Variants in ANK3 observed in about 807,000 individuals in gnomAD.
ANK3 encodes ankyrin-3.
ANK3 carries 57 observed loss-of-function variants against 370.9 expected under a neutral mutation model. The ratio of observed to expected loss-of-function variants is 0.15; its 90% CI spans 0.12 to 0.19. The LOEUF (loss-of-function observed/expected upper bound fraction) is 0.19. Among genes scored for constraint, ANK3 ranks in the 10% least tolerant of loss-of-function variants. The pLI, the probability that ANK3 is intolerant of heterozygous loss-of-function variation, is 1.00. For missense variants in ANK3, 4,439 were observed against 5,302.1 expected (o/e 0.84, Z 5.06); for synonymous variants, 1,929 against 1,946.3 (o/e 0.99, Z 0.23).
chr10:60,221,528 T>C (rs1350825282), intron 8 of ANK3, among the ~76,000 whole-genome samples: 1 of 152,216 alleles, frequency 6.6e-6, no homozygotes, highest in African/African-American at 2.4e-5. Flanking sequence ...CTCATCTATA[T>C]ACTGACCAAA....
intron 4 of ANK3, among the ~76,000 whole-genome samples, chr10:60,275,262 A>G (rs1009813918): frequency 1.3e-5 from 2 of 152,228 alleles, no homozygotes; most frequent in Admixed American, 6.5e-5. Flanking sequence ...TTTATCCAAT[A>G]TATTCAATAC....
chr10:60,670,689 C>G (rs538569538), intron 1 of ANK3, among the ~76,000 whole-genome samples: 160 of 152,284 alleles, frequency 1.1e-3, no homozygotes, highest in Non-Finnish European at 2.0e-3. Context: ...CCCCCACACC[C>G]AGTTTCCCTT....
chr10:60,301,211 A>G (rs193169481), intron 1 of ANK3, among the ~76,000 whole-genome samples: 2 of 147,832 alleles, frequency 1.4e-5, no homozygotes, highest in Admixed American at 6.8e-5. Context: ...TATATACTAT[A>G]TATGTATGTA....
intron 42 of ANK3, among the ~76,000 whole-genome samples, chr10:60,046,335 A>G (rs936847532): frequency 6.6e-6 from 1 of 152,224 alleles, no homozygotes; most frequent in Admixed American, 6.5e-5. Context: ...ACGAATGACA[A>G]ATATTTTTGA....
chr10:60,095,022 G>A (rs2089798688), intron 28 of ANK3, among the ~76,000 whole-genome samples: 1 of 152,226 alleles, frequency 6.6e-6, no homozygotes, highest in African/African-American at 2.4e-5. Flanking sequence ...CCCCAAGGGG[G>A]AAGGAGGCAA....
chr10:60,376,836 C>T (rs2060847052), intron 1 of ANK3, among the ~76,000 whole-genome samples: 1 of 152,180 alleles, frequency 6.6e-6, no homozygotes, highest in African/African-American at 2.4e-5. Context: ...AATGGGTGAA[C>T]TTAATCTGCC....
rs575386562 is a variant in ANK3, at chr10:60,186,859, C to T, written c.1941G>A (p.Ala647=). ...CAGCACCATATTCCAGCAGAGTTGT[C>T]GCTATGTCCATCTGGTTCTTTTTGG... ...IAAKKNQMDI[A]TTLLEYGADA... Residue 647 remains alanine (A), a synonymous_variant, in exon 17 of 44, where the codon GCG becomes GCA. Coordinates refer to ENST00000280772, the MANE Select transcript of ANK3 (RefSeq NM_020987.5). 1.1e-5 allele frequency: 17 copies of T among 1,614,008 alleles called. No homozygotes were observed. The South Asian group carries it at 1.1e-4, about 10-fold the overall frequency.
intron 25 of ANK3, among the ~76,000 whole-genome samples, chr10:60,119,847 A>T (rs1018852502): frequency 1.3e-5 from 2 of 152,202 alleles, no homozygotes; most frequent in African/African-American, 2.4e-5. Flanking sequence ...GGGAATCAAT[A>T]GTGTTAAATA....
rs1391103340 is a variant in ANK3 at position 60,348,364 on chromosome 10, A to ACC, written c.114+41060_114+41061insGG. ...TCACTAGCCAAAAAAAAAAAAAAAA[A>ACC]AAAAAACACAAAAAACAAAAAAAAC... is the stretch of plus-strand genomic sequence containing the variant. On this transcript the variant is annotated intron_variant, in intron 1 of 43. Coordinates refer to ENST00000280772, the MANE Select transcript of ANK3 (RefSeq NM_020987.5). Among the ~76,000 whole-genome samples, 2 of 90,158 alleles carry ACC rather than the reference A, an allele frequency of 2.2e-5. 1 individual carries two copies. Among genetic ancestry groups the ACC allele is most frequent in the Non-Finnish European group, 4.6e-5 (2 of 43,520 alleles). 59.1% of individuals were successfully genotyped at this position (90,158 alleles called of 152,430 possible).
At chr10:60,657,638 A>G (rs1588982770) in intron 1 of ANK3, among the ~76,000 whole-genome samples, 2 of 152,186 alleles carry the variant, frequency 1.3e-5, no homozygotes, top group African/African-American at 2.4e-5. Flanking sequence ...AGGGCCCAGT[A>G]TATGGTCTAT....
chr10:60,679,253 G>T (rs2079163339), intron 1 of ANK3, among the ~76,000 whole-genome samples: 1 of 152,178 alleles, frequency 6.6e-6, no homozygotes. Flanking sequence ...TACTGTTACA[G>T]TACGTAGTTA....
intron 1 of ANK3, among the ~76,000 whole-genome samples, chr10:60,350,963 G>GA (rs960570460): frequency 2.8e-4 from 41 of 144,614 alleles, no homozygotes; most frequent in South Asian, 1.5e-3. Flanking sequence ...GTTTCATAGA[G>GA]AAAAAAAAAA....
At chr10:60,643,232 G>T in intron 1 of ANK3, among the ~76,000 whole-genome samples, 1 of 152,142 alleles carries the variant, frequency 6.6e-6, no homozygotes. Context: ...AGTGGGCTGG[G>T]AAAGGCAGAC....
chr10:60,583,511 G>GTTTTTTTTTTTTT (rs750384975), intron 2 of ANK3, among the ~76,000 whole-genome samples: 4 of 100,076 alleles, frequency 4.0e-5, no homozygotes, highest in Admixed American at 1.0e-4. Context: ...GAGGTTTTTT[G>GTTTTTTTTTTTTT]TTTTTTGTTT....
At chr10:60,653,542 G>A (rs571687525) in intron 1 of ANK3, among the ~76,000 whole-genome samples, 6 of 152,210 alleles carry the variant, frequency 3.9e-5, no homozygotes, top group African/African-American at 1.4e-4. Flanking sequence ...TAGCTTTATA[G>A]TAATCAGGTA....
At position 60,069,849 on chromosome 10, in the gene ANK3, G is replaced by A. The variant is rs1293762028; in HGVS notation, c.11032C>T (p.Pro3678Ser). 1 of 1,614,038 alleles carries A rather than the reference G, an allele frequency of 6.2e-7. No homozygotes were observed. The highest frequency in any genetic ancestry group is 8.5e-7 in the Non-Finnish European group (1 of 1,179,988). ...ATGCTGGGGTTAGGTTCCACTGTAG[G>A]TGTCTCTACATTTCTCTCTAGATTG... is the stretch of plus-strand genomic sequence containing the variant. ...ETNLERNVET[P>S]TVEPNPSIPT... The change falls in exon 37 of 44, where the codon CCT (proline) becomes TCT (serine). Residue 3678 changes from proline (P) to serine (S), a missense_variant. Physicochemically the swap from Pro to Ser is moderately conservative, Grantham distance 74. This residue lies in a region of ANK3 where 496 missense variants were observed against 529.3 expected (regional missense o/e 0.94). Transcript: ENST00000280772.
At chr10:60,231,953 C>T (rs920932528) in intron 8 of ANK3, among the ~76,000 whole-genome samples, 4 of 152,250 alleles carry the variant, frequency 2.6e-5, no homozygotes, top group South Asian at 2.1e-4. Flanking sequence ...GACAGCCCTT[C>T]GGAACAGGGA....
At chr10:60,331,319 C>T (rs1328707095) in intron 1 of ANK3, among the ~76,000 whole-genome samples, 1 of 151,614 alleles carries the variant, frequency 6.6e-6, no homozygotes, top group Admixed American at 6.6e-5. Flanking sequence ...AATGCCTAGG[C>T]TGTAATGCTA....
chr10:60,542,018 A>G (rs1446621797), intron 2 of ANK3, among the ~76,000 whole-genome samples: 1 of 151,884 alleles, frequency 6.6e-6, no homozygotes, highest in Admixed American at 6.6e-5. Flanking sequence ...CTTAATTTGT[A>G]AACTAATTTG....
Sources: gnomAD v4.1 joint callset for allele counts (sites outside exome capture counted in the v4.1 genomes callset) on GRCh38, gnomAD v4.1.1 for gene constraint, gnomAD v4.1.1 regional missense constraint, MANE v1.5 for transcripts, NCBI Gene and HGNC (gene_info 2026-07-23, HGNC 2026-07-21) for gene names.